The following PDE9A variants were observed in gnomAD, a reference collection of about 807,000 sequenced individuals.
The protein encoded by PDE9A is high affinity cGMP-specific 3',5'-cyclic phosphodiesterase 9A.
PDE9A carries 60 observed loss-of-function variants against 87.4 expected under a neutral mutation model. The observed-to-expected ratio is 0.69, with a 90% CI of 0.56 to 0.85. PDE9A has a LOEUF of 0.85. PDE9A is among the 40% of genes least tolerant of loss of function. The pLI is 0.00. For synonymous variants in PDE9A, 272 were observed against 279.4 expected (o/e 0.97, Z 0.27); for missense variants, 665 against 779.0 (o/e 0.85, Z 1.74).
intron 8 of PDE9A, among the ~76,000 whole-genome samples, chr21:42,745,342 C>T (rs572247525): frequency 6.6e-6 from 1 of 152,286 alleles, no homozygotes; most frequent in Non-Finnish European, 1.5e-5. Flanking sequence ...CTCATGGGCT[C>T]ATTTGGAGTT....
chr21:42,666,541 G>A (rs897213749), intron 1 of PDE9A, among the ~76,000 whole-genome samples: 2 of 152,102 alleles, frequency 1.3e-5, no homozygotes, highest in Non-Finnish European at 2.9e-5. Flanking sequence ...CAGGCCCGGC[G>A]GCCTCCACAG....
At chr21:42,737,653 C>T (rs111823285) in intron 7 of PDE9A, among the ~76,000 whole-genome samples, 3,989 of 152,142 alleles carry the variant, frequency 0.026, 174 homozygotes, top group African/African-American at 0.091. Context: ...AGATGGGGTT[C>T]CGCCATGTTG....
In PDE9A at chr21:42,728,220, A is replaced by G. The variant is rs1292265495; in HGVS notation, c.263-3550A>G. On this transcript the variant is annotated intron_variant, in intron 4 of 19. Transcript: ENST00000291539. ...TGCATAGGTTATATGCAAATACTAT[A>G]CCATCTTATATAAGGAATTTGAGCA... 2.0e-5 allele frequency among the ~76,000 whole-genome samples: 3 copies of G among 152,216 alleles called. No individual in the cohort carries two copies. The East Asian group carries it at 5.8e-4, about 29-fold the overall frequency.
intron 3 of PDE9A, among the ~76,000 whole-genome samples, chr21:42,688,708 C>T (rs2059615634): frequency 6.6e-6 from 1 of 152,218 alleles, no homozygotes; most frequent in Admixed American, 6.5e-5. Flanking sequence ...ACCTCAGGAC[C>T]CCTCTCTGGC....
At chr21:42,669,219 T>C (rs1216459540) in intron 1 of PDE9A, among the ~76,000 whole-genome samples, 1 of 152,120 alleles carries the variant, frequency 6.6e-6, no homozygotes, top group Non-Finnish European at 1.5e-5. Context: ...GAAATCCAGG[T>C]GTGGGCAGGG....
rs34695329 is a variant in PDE9A at position 42,759,382 on chromosome 21, CGTGT to C, written c.897+309_897+312del. On this transcript the variant is annotated intron_variant, in intron 11 of 19. Coordinates refer to ENST00000291539, the MANE Select transcript of PDE9A (RefSeq NM_002606.3). This position sits in a 1 kb window ranked among gnomAD's most constrained non-coding sequence, Gnocchi z 7.2. Reference sequence around the variant, plus strand: ...GTCCTAAAGCAGCGGTGTGTGGGAGCGTGTGTGTGTGTGTGGGAGCGTGTGTGTG... The same window carrying C: ...GTCCTAAAGCAGCGGTGTGTGGGAGCGTGTGTGTGTGGGAGCGTGTGTGTG... 6.7e-6 allele frequency among the ~76,000 whole-genome samples: 1 copy of C among 149,078 alleles called. No homozygotes were observed. Among genetic ancestry groups the C allele is most frequent in the Non-Finnish European group, 1.5e-5 (1 of 67,370 alleles).
Position 42,659,615 on chromosome 21 carries a change from C to G in PDE9A, c.69+5732C>G, listed in dbSNP as rs1346964524. 1.3e-5 allele frequency among the ~76,000 whole-genome samples: 2 copies of G among 152,208 alleles called. No individual in the cohort carries two copies. Among genetic ancestry groups the G allele is most frequent in the Non-Finnish European group, 2.9e-5 (2 of 68,034 alleles). ...CCATGACGCTTCTCTCATCCTGGAC[C>G]CATCAGCCCGGAAGACTCTGGAAGC... On this transcript the variant is annotated intron_variant, in intron 1 of 19. Transcript: ENST00000291539. This position sits in a 1 kb window ranked among gnomAD's most constrained non-coding sequence, Gnocchi z 4.1.
At chr21:42,698,572 A>G (rs1206069373) in intron 3 of PDE9A, among the ~76,000 whole-genome samples, 7 of 152,016 alleles carry the variant, frequency 4.6e-5, no homozygotes, top group Admixed American at 3.9e-4. Flanking sequence ...TCTCTTGTTC[A>G]TTTGGGGGAT....
At chr21:42,742,613 T>C (rs1164488100) in intron 7 of PDE9A, among the ~76,000 whole-genome samples, 1 of 151,890 alleles carries the variant, frequency 6.6e-6, no homozygotes, top group African/African-American at 2.4e-5. Context: ...CTACAGGCAC[T>C]GGCACACCAT....
chr21:42,752,859 G>A (rs758368264), intron 9 of PDE9A, among the ~76,000 whole-genome samples: 5 of 152,186 alleles, frequency 3.3e-5, no homozygotes, highest in Non-Finnish European at 7.3e-5. Context: ...CAACCCAGGG[G>A]CACCGGCCCC....
Position 42,773,035 on chromosome 21 carries a change from C to T in PDE9A, c.1768+515C>T, listed in dbSNP as rs569864234. On this transcript the variant is annotated intron_variant, in intron 19 of 19. Transcript: ENST00000291539. ...CAGCACTTTGGGAGGCCAAGGTGGG[C>T]GGATCACTTGAGGTCAGGAGTTCAA... 1.9e-4 allele frequency among the ~76,000 whole-genome samples: 28 copies of T among 149,748 alleles called. No individual in the cohort carries two copies. In the South Asian group the frequency reaches 4.7e-3, roughly 25 times the overall value.
intron 4 of PDE9A, among the ~76,000 whole-genome samples, chr21:42,708,116 C>T (rs1160323622): frequency 2.0e-5 from 3 of 152,126 alleles, no homozygotes; most frequent in Non-Finnish European, 4.4e-5. Flanking sequence ...TATTTCAGTG[C>T]AATTTCAGTC....
intron 4 of PDE9A, among the ~76,000 whole-genome samples, chr21:42,728,402 T>C (rs977179733): frequency 1.3e-5 from 2 of 152,222 alleles, no homozygotes; most frequent in Non-Finnish European, 2.9e-5. Context: ...AGTTTTCTCA[T>C]GAACATGTGT....
intron 14 of PDE9A, among the ~76,000 whole-genome samples, chr21:42,763,517 C>T (rs1216847562): frequency 6.6e-6 from 1 of 152,184 alleles, no homozygotes; most frequent in Non-Finnish European, 1.5e-5. Context: ...AGGAAGGACC[C>T]TCCCCTGGAG....
chr21:42,655,669 A>G (rs1485137416), intron 1 of PDE9A, among the ~76,000 whole-genome samples: 3 of 152,224 alleles, frequency 2.0e-5, no homozygotes. Context: ...AATCTGCTTT[A>G]TAGACTGGAA....
chr21:42,705,813 C>T lies in PDE9A; in HGVS notation c.262+6802C>T, dbSNP rs369259144. Among the ~76,000 whole-genome samples, 5 of 152,244 alleles carry T rather than the reference C, an allele frequency of 3.3e-5. No homozygotes were observed. The highest frequency in any genetic ancestry group is 1.2e-4 in the African/African-American group (5 of 41,548). ...TTGTTCTCCCCCACATTCCTGCCTG[C>T]CCTAGGACCCAGGACCTGTCTCTAG... On this transcript the variant is annotated intron_variant, in intron 4 of 19. Transcript: ENST00000291539. The surrounding 1 kb of genome is among the most constrained non-coding windows in gnomAD (Gnocchi z 4.3).
intron 1 of PDE9A, among the ~76,000 whole-genome samples, chr21:42,662,531 CCA>C (rs1328220163): frequency 1.6e-4 from 23 of 143,100 alleles, no homozygotes; most frequent in African/African-American, 6.0e-4. Context: ...TGCACACACA[CCA>C]CACACGTACA....
chr21:42,725,115 G>A (rs193096414), intron 4 of PDE9A, among the ~76,000 whole-genome samples: 8 of 152,248 alleles, frequency 5.3e-5, no homozygotes, highest in African/African-American at 1.2e-4. Flanking sequence ...GTCCAGATCC[G>A]GAACATGGCG....
intron 4 of PDE9A, among the ~76,000 whole-genome samples, chr21:42,721,881 T>G (rs1175946684): frequency 6.6e-6 from 1 of 152,168 alleles, no homozygotes; most frequent in East Asian, 1.9e-4. Flanking sequence ...GCTTATCTCT[T>G]TGGGGGCAAG....
Sources: gnomAD v4.1 joint callset for allele counts (sites outside exome capture counted in the v4.1 genomes callset) on GRCh38, gnomAD v4.1.1 for gene constraint, Gnocchi (gnomAD v3.1) non-coding constraint, MANE v1.5 for transcripts, NCBI Gene and HGNC (gene_info 2026-07-23, HGNC 2026-07-21) for gene names.